Variants in NEXN observed in about 807,000 individuals in gnomAD.
The protein encoded by NEXN is nexilin.
A neutral mutation model predicts 92.6 loss-of-function variants in NEXN; 65 were observed. The observed-to-expected ratio is 0.70, with a 90% CI of 0.57 to 0.86. The LOEUF (loss-of-function observed/expected upper bound fraction) is 0.86, where lower values mean the gene tolerates loss of function less well. Among genes scored for constraint, NEXN ranks in the 40% least tolerant of loss-of-function variants. The pLI is 0.00. For synonymous variants in NEXN, 254 were observed against 242.5 expected (o/e 1.05, Z -0.44); for missense variants, 778 against 771.1 (o/e 1.01, Z -0.11).
At position 77,918,196 on chromosome 1, in the gene NEXN, GA is replaced by G; in HGVS notation, c.372del (p.Glu124AspfsTer11). On this transcript the variant is annotated frameshift_variant, in exon 5 of 13. Transcript: ENST00000334785. LOFTEE classifies it high-confidence loss of function. ...QEEQRKRTEEERKRRIEQDML... is the reference protein window; with the variant it reads ...QEEQRKRTEEXRKRRIEQDML... The stretch of plus-strand genomic sequence containing the variant: ...GGAACAAAGGAAGAGAACGGAGGAG[GA>G]ACGAAAACGCAGAATTGAGCAGGAT... The G allele has an allele frequency of 6.2e-7, 1 of 1,614,038 alleles. No homozygotes were observed. The highest frequency in any genetic ancestry group is 8.5e-7 in the Non-Finnish European group (1 of 1,179,972).
chr1:77,920,619 T>TAAAAA, intron 5 of NEXN, among the ~76,000 whole-genome samples: 1 of 67,290 alleles, frequency 1.5e-5, no homozygotes, highest in Non-Finnish European at 2.8e-5. Flanking sequence ...CCCTGTCTCT[T>TAAAAA]AAAAAAAAAA....
intron 1 of NEXN, among the ~76,000 whole-genome samples, chr1:77,915,415 G>A (rs2102084994): frequency 2.6e-5 from 4 of 152,254 alleles, no homozygotes; most frequent in Middle Eastern, 3.4e-3. Flanking sequence ...GGATCACGAG[G>A]TCAGGAGATT....
At position 77,917,994 on chromosome 1, in the gene NEXN, A is replaced by G. The variant is rs1649111780; in HGVS notation, c.254A>G (p.Asp85Gly). The G allele has an allele frequency of 6.2e-7, 1 of 1,613,412 alleles. No homozygotes were observed. Among genetic ancestry groups the G allele is most frequent in the African/African-American group, 1.3e-5 (1 of 74,932 alleles). ...KEMLASDDEEDVSSKVEKAYV... is the reference protein window; with the variant it reads ...KEMLASDDEEGVSSKVEKAYV... ...ATGCTTGCTTCTGATGATGAGGAAG[A>G]TGTATCTTCTAAAGTAGAAAAGGCT... Residue 85 changes from aspartate (D) to glycine (G), a missense_variant, in exon 4 of 13, where the codon GAT becomes GGT. Asp to Gly is a moderately conservative substitution (Grantham distance 94). Transcript: ENST00000334785.
At chr1:77,910,254 T>G (rs754265722) in intron 1 of NEXN, among the ~76,000 whole-genome samples, 1 of 152,202 alleles carries the variant, frequency 6.6e-6, no homozygotes, top group Non-Finnish European at 1.5e-5. Flanking sequence ...ATATTTCTCC[T>G]AAGATCAGGA....
intron 1 of NEXN, among the ~76,000 whole-genome samples, chr1:77,896,610 A>G (rs1450722152): frequency 6.6e-6 from 1 of 152,050 alleles, no homozygotes; most frequent in Non-Finnish European, 1.5e-5. Flanking sequence ...AAATACAAAA[A>G]TTAGCTGAGT....
chr1:77,913,877 G>T (rs1648765892), intron 1 of NEXN, among the ~76,000 whole-genome samples: 1 of 152,170 alleles, frequency 6.6e-6, no homozygotes, highest in Non-Finnish European at 1.5e-5. Context: ...TGTGGTACAT[G>T]CAGGTAATAG....
chr1:77,917,531 G>T, intron 2 of NEXN, 35 bp from the exon 3 acceptor site: 1 of 1,501,048 alleles, frequency 6.7e-7, no homozygotes, highest in Non-Finnish European at 9.2e-7. Flanking sequence ...TATCTTTTTC[G>T]TTAACTTTCT....
Position 77,942,557 on chromosome 1 carries a change from A to T in NEXN, c.1756A>T (p.Lys586Ter). Reference sequence around the variant, plus strand: ...CAGATCAGGAGCTCCATGGTTCAAGAAGCCTCTTAAAAACACATCAGTTGT... The same window carrying T: ...CAGATCAGGAGCTCCATGGTTCAAGTAGCCTCTTAAAAACACATCAGTTGT... ...QTRSGAPWFKKPLKNTSVVDS... is the reference protein window; with the variant it reads ...QTRSGAPWFK Residue 586 changes from lysine (K) to a stop codon, truncating the protein, a stop_gained, in exon 13 of 13, where the codon AAG becomes TAG. Transcript: ENST00000334785. LOFTEE classifies it high-confidence loss of function. 1.2e-6 allele frequency: 2 copies of T among 1,613,942 alleles called. No homozygotes were observed. The highest frequency in any genetic ancestry group is 1.7e-6 in the Non-Finnish European group (2 of 1,179,842).
intron 11 of NEXN, among the ~76,000 whole-genome samples, chr1:77,936,917 T>C (rs557931943): frequency 6.6e-6 from 1 of 152,336 alleles, no homozygotes; most frequent in African/African-American, 2.4e-5. Context: ...CAATTCATTA[T>C]TATTGAGGCA....
chr1:77,895,399 A>G (rs1647211844), intron 1 of NEXN, among the ~76,000 whole-genome samples: 1 of 152,158 alleles, frequency 6.6e-6, no homozygotes, highest in African/African-American at 2.4e-5. Context: ...ATTAAATGCA[A>G]TAAAGTTACA....
At chr1:77,931,223 TAAAAATACAAAAAAAA>T (rs1650262095) in intron 9 of NEXN, among the ~76,000 whole-genome samples, 1 of 82,942 alleles carries the variant, frequency 1.2e-5, no homozygotes, top group Admixed American at 1.7e-4. Flanking sequence ...CCGTCTCTAC[TAAAAATACAAAAAAAA>T]AAAAAAAAAA....
chr1:77,930,733 C>T (rs1650219696), intron 9 of NEXN, among the ~76,000 whole-genome samples: 2 of 152,164 alleles, frequency 1.3e-5, no homozygotes, highest in Admixed American at 6.5e-5. Flanking sequence ...GAAAGATGTC[C>T]CTCACTCCTT....
Position 77,896,387 on chromosome 1 carries a change from A to T in NEXN, c.-53+7628A>T, listed in dbSNP as rs554701124. Among the ~76,000 whole-genome samples, 25 of 152,050 alleles carry T rather than the reference A, an allele frequency of 1.6e-4. No individual in the cohort carries two copies. The East Asian group carries it at 4.8e-3, about 29-fold the overall frequency. On this transcript the variant is annotated intron_variant, in intron 1 of 12. Transcript: ENST00000334785. ...CATCCTCTGACTCTTGCTTGGGTTC[A>T]TTCTTGACAATATTCCTCTCCTCAC...
chr1:77,930,063 TTTA>T lies in NEXN; in HGVS notation c.1053+561_1053+563del, dbSNP rs1650167660. ...TTATGACTGTACTTCCTATACCAGT[TTTA>T]TGTTTGTACAATGTACAGTTATCTG... is the stretch of plus-strand genomic sequence containing the variant. On this transcript the variant is annotated intron_variant, in intron 9 of 12. Coordinates refer to ENST00000334785, the MANE Select transcript of NEXN (RefSeq NM_144573.4). Among the ~76,000 whole-genome samples, 3 of 152,246 alleles carry T rather than the reference TTTA, an allele frequency of 2.0e-5. No homozygotes were observed. The South Asian group carries it at 6.2e-4, about 32-fold the overall frequency.
intron 1 of NEXN, among the ~76,000 whole-genome samples, chr1:77,903,659 A>T (rs548537761): frequency 7.3e-4 from 111 of 152,312 alleles, no homozygotes; most frequent in African/African-American, 2.5e-3. Flanking sequence ...CAGCAAAATT[A>T]AGTTTATAGA....
chr1:77,938,623 G>A (rs987406488), intron 11 of NEXN, among the ~76,000 whole-genome samples: 6 of 150,990 alleles, frequency 4.0e-5, no homozygotes, highest in African/African-American at 7.3e-5. Context: ...GTCTAATGAC[G>A]TATGATGAAG....
Position 77,911,760 on chromosome 1 carries a change from T to TAC in NEXN, c.-52-4291_-52-4290dup, listed in dbSNP as rs573867435. On this transcript the variant is annotated intron_variant, in intron 1 of 12. Coordinates refer to ENST00000334785, the MANE Select transcript of NEXN (RefSeq NM_144573.4). Reference sequence around the variant, plus strand: ...TGTTTTATATATATATATATATATATACACATATATTCCAAAATCCAAAAA... The same window carrying TAC: ...TGTTTTATATATATATATATATATATACACACATATATTCCAAAATCCAAAAA... Among the ~76,000 whole-genome samples, 1,120 of 127,250 alleles carry TAC rather than the reference T, an allele frequency of 8.8e-3. 9 individuals are homozygous for TAC. The highest frequency in any genetic ancestry group is 0.012 in the Admixed American group (152 of 12,670). The allele number at this position is 127,250 out of a possible 152,430, so 83.5% of individuals were successfully genotyped here.
chr1:77,911,013 T>C (rs949750786), intron 1 of NEXN, among the ~76,000 whole-genome samples: 2 of 151,952 alleles, frequency 1.3e-5, no homozygotes, highest in East Asian at 3.9e-4. Flanking sequence ...AATTTTTAAA[T>C]TTTTTGTAGA....
At chr1:77,890,535 G>A (rs1240801900) in intron 1 of NEXN, among the ~76,000 whole-genome samples, 1 of 152,052 alleles carries the variant, frequency 6.6e-6, no homozygotes, top group African/African-American at 2.4e-5. Flanking sequence ...ACAAAGGAAT[G>A]CATTATCTAG....
Sources: gnomAD v4.1 joint callset for allele counts (sites outside exome capture counted in the v4.1 genomes callset) on GRCh38, gnomAD v4.1.1 for gene constraint, MANE v1.5 for transcripts, NCBI Gene and HGNC (gene_info 2026-07-23, HGNC 2026-07-21) for gene names.